The following ASIC2 variants were observed in gnomAD, a reference collection of about 807,000 sequenced individuals.
ASIC2 encodes the protein acid-sensing ion channel 2.
In ASIC2, 25 loss-of-function variants were observed where a neutral mutation model predicts 57.3. The ratio of observed to expected loss-of-function variants is 0.44; its 90% CI spans 0.32 to 0.61. The LOEUF (loss-of-function observed/expected upper bound fraction) is 0.61. Among genes scored for constraint, ASIC2 ranks in the 20% least tolerant of loss-of-function variants. ASIC2 has a pLI of 0.06. For synonymous variants in ASIC2, 319 were observed against 307.5 expected (o/e 1.04, Z -0.39); for missense variants, 641 against 738.1 (o/e 0.87, Z 1.52).
At chr17:34,058,369 A>G (rs974767259) in intron 1 of ASIC2, among the ~76,000 whole-genome samples, 2 of 152,186 alleles carry the variant, frequency 1.3e-5, no homozygotes, top group Non-Finnish European at 2.9e-5. Flanking sequence ...TAACCACCTT[A>G]TAGATGAAGA....
chr17:33,054,332 C>T (rs769816439), intron 3 of ASIC2, among the ~76,000 whole-genome samples: 7 of 152,178 alleles, frequency 4.6e-5, no homozygotes, highest in Non-Finnish European at 8.8e-5. Flanking sequence ...TGGACTCTGT[C>T]GCTGCCAAAC....
At chr17:33,851,473 T>A (rs1913762851) in intron 1 of ASIC2, among the ~76,000 whole-genome samples, 1 of 152,140 alleles carries the variant, frequency 6.6e-6, no homozygotes, top group Non-Finnish European at 1.5e-5. Flanking sequence ...CTTGTCAAAC[T>A]CAGTGCCTGG....
intron 1 of ASIC2, among the ~76,000 whole-genome samples, chr17:33,593,517 A>T (rs1904890172): frequency 6.6e-6 from 1 of 152,176 alleles, no homozygotes; most frequent in Non-Finnish European, 1.5e-5. Flanking sequence ...CTGAGCTAGA[A>T]AGCTCAGGTT....
intron 1 of ASIC2, among the ~76,000 whole-genome samples, chr17:33,773,400 G>C (rs1283832657): frequency 6.6e-6 from 1 of 152,170 alleles, no homozygotes; most frequent in African/African-American, 2.4e-5. Flanking sequence ...ACTGAGCAGA[G>C]AATTAGCTTG....
chr17:33,027,540 T>C (rs2091864283), intron 4 of ASIC2, among the ~76,000 whole-genome samples: 1 of 152,242 alleles, frequency 6.6e-6, no homozygotes, highest in South Asian at 2.1e-4. Flanking sequence ...TATCCTAGCC[T>C]AATTTTCACC....
chr17:33,755,362 T>C (rs2701481), intron 1 of ASIC2, among the ~76,000 whole-genome samples: 51,706 of 152,130 alleles, frequency 0.34, 10,704 homozygotes, highest in Non-Finnish European at 0.49. Context: ...TAAGACCCTA[T>C]GTCTGTGTTG....
rs536300319 is a variant in ASIC2, at chr17:33,406,840, G to A, written c.556-294773C>T. On this transcript the variant is annotated intron_variant, in intron 1 of 9. Transcript: ENST00000359872. ...GCCTAGAGAATTCTGGAAAATCAAAGGACTGTTCAGGAAACTGTATTTGCA... is the reference window on the plus strand; with the variant it reads ...GCCTAGAGAATTCTGGAAAATCAAAAGACTGTTCAGGAAACTGTATTTGCA... Among the ~76,000 whole-genome samples, 5 of 152,246 alleles carry A rather than the reference G, an allele frequency of 3.3e-5. No individual in the cohort carries two copies. The South Asian group carries it at 1.0e-3, about 32-fold the overall frequency.
rs1470400530 is a variant in ASIC2, at chr17:33,129,210, C to T, written c.709-17143G>A. ...AGAAAATTTGGCAGGTGGGCAACAC[C>T]TCTCACGGCAAACCCCTTCCTGTCC... On this transcript the variant is annotated intron_variant, in intron 1 of 9. Coordinates refer to ENST00000225823, the MANE Select transcript of ASIC2 (RefSeq NM_183377.2). Among the ~76,000 whole-genome samples, 6 of 152,224 alleles carry T rather than the reference C, an allele frequency of 3.9e-5. No individual in the cohort carries two copies. The East Asian group carries it at 5.8e-4, about 15-fold the overall frequency.
chr17:33,871,667 C>A (rs757977742), intron 1 of ASIC2, among the ~76,000 whole-genome samples: 1 of 152,098 alleles, frequency 6.6e-6, no homozygotes, highest in Non-Finnish European at 1.5e-5. Flanking sequence ...AGGTGGGGAC[C>A]TTTGTGTCCT....
At chr17:33,853,298 G>A (rs780024917) in intron 1 of ASIC2, among the ~76,000 whole-genome samples, 8 of 152,096 alleles carry the variant, frequency 5.3e-5, no homozygotes, top group Non-Finnish European at 1.0e-4. Flanking sequence ...AAGAGTCTCA[G>A]CCATGGGGAA....
intron 1 of ASIC2, among the ~76,000 whole-genome samples, chr17:33,211,241 A>G (rs1907255831): frequency 6.6e-6 from 1 of 152,120 alleles, no homozygotes; most frequent in African/African-American, 2.4e-5. Flanking sequence ...GCTGAAGGTG[A>G]TGCAGCTGTG....
At chr17:33,487,451 A>G (rs1056376747) in intron 1 of ASIC2, among the ~76,000 whole-genome samples, 1 of 152,212 alleles carries the variant, frequency 6.6e-6, no homozygotes, top group African/African-American at 2.4e-5. Flanking sequence ...TGGCCCTTCC[A>G]TTTATGAGCC....
chr17:33,166,107 G>T (rs948159765), intron 1 of ASIC2, among the ~76,000 whole-genome samples: 5 of 152,150 alleles, frequency 3.3e-5, no homozygotes, highest in Non-Finnish European at 7.3e-5. Flanking sequence ...GTGAGACCTT[G>T]TGCTATAATT....
At chr17:33,460,737 G>C (rs1912607748) in intron 1 of ASIC2, among the ~76,000 whole-genome samples, 1 of 152,168 alleles carries the variant, frequency 6.6e-6, no homozygotes, top group Non-Finnish European at 1.5e-5. Context: ...ACCCAGTGAG[G>C]TGCATACTGT....
At chr17:33,142,158 T>C (rs766438122) in intron 1 of ASIC2, among the ~76,000 whole-genome samples, 10 of 152,194 alleles carry the variant, frequency 6.6e-5, no homozygotes, top group Non-Finnish European at 1.0e-4. Context: ...TACATAGTAA[T>C]TAAATGAATT....
chr17:33,144,020 T>C (rs1156510982), intron 1 of ASIC2, among the ~76,000 whole-genome samples: 1 of 152,106 alleles, frequency 6.6e-6, no homozygotes, highest in East Asian at 1.9e-4. Flanking sequence ...GGCTTCCATT[T>C]TCTGGGAACC....
At chr17:33,071,243 G>A (rs145757863) in intron 3 of ASIC2, among the ~76,000 whole-genome samples, 14 of 152,250 alleles carry the variant, frequency 9.2e-5, no homozygotes, top group African/African-American at 3.4e-4. Context: ...ATACCAGTAT[G>A]TTAGGCCACT....
chr17:33,044,231 C>T (rs2091941630), intron 3 of ASIC2, among the ~76,000 whole-genome samples: 1 of 151,850 alleles, frequency 6.6e-6, no homozygotes, highest in Admixed American at 6.6e-5. Flanking sequence ...ACCCACCCAC[C>T]CATTATCTGT....
At chr17:33,834,627 A>G (rs1913217270) in intron 1 of ASIC2, 1 of 152,234 alleles carries the variant, frequency 6.6e-6, no homozygotes, top group Non-Finnish European at 1.5e-5. Context: ...AAGGGAGTGT[A>G]CTTCCAAAAG....
Sources: gnomAD v4.1 joint callset for allele counts (sites outside exome capture counted in the v4.1 genomes callset) on GRCh38, gnomAD v4.1.1 for gene constraint, MANE v1.5 for transcripts, NCBI Gene and HGNC (gene_info 2026-07-23, HGNC 2026-07-21) for gene names.